RREB1: variants seen among roughly 807,000 people sequenced by gnomAD.
RREB1 encodes ras-responsive element-binding protein 1.
A neutral mutation model predicts 117.8 loss-of-function variants in RREB1; 27 were observed. The ratio of observed to expected loss-of-function variants is 0.23; its 90% confidence interval spans 0.17 to 0.32. The LOEUF (loss-of-function observed/expected upper bound fraction) is 0.32, where lower values mean the gene tolerates loss of function less well. Ranked by LOEUF, RREB1 falls within the 10% of genes least tolerant of loss-of-function variation. The pLI, the probability that RREB1 is intolerant of heterozygous loss-of-function variation, is 1.00. For synonymous variants in RREB1, 1,298 were observed against 1,026.7 expected (o/e 1.26, Z -5.05); for missense variants, 2,577 against 2,378.2 (o/e 1.08, Z -1.74).
chr6:7,170,449 G>A (rs1764154879), intron 1 of RREB1, among the ~76,000 whole-genome samples: 1 of 152,238 alleles, frequency 6.6e-6, no homozygotes, highest in Non-Finnish European at 1.5e-5. Context: ...CAGGAATCCT[G>A]GCTGAAGGGC....
At chr6:7,242,706 G>GT (rs1445507263) in intron 11 of RREB1, among the ~76,000 whole-genome samples, 1 of 151,184 alleles carries the variant, frequency 6.6e-6, no homozygotes, top group African/African-American at 2.4e-5. Context: ...AAAAAGGGGG[G>GT]GGGGGAAGGA....
chr6:7,194,554 G>A (rs1765574404), intron 6 of RREB1, among the ~76,000 whole-genome samples: 1 of 152,122 alleles, frequency 6.6e-6, no homozygotes, highest in Admixed American at 6.6e-5. Context: ...AGGCCTTGGT[G>A]CTACTTGTTT....
At chr6:7,130,687 G>C (rs1762117395) in intron 1 of RREB1, among the ~76,000 whole-genome samples, 1 of 151,506 alleles carries the variant, frequency 6.6e-6, no homozygotes, top group South Asian at 2.1e-4. Context: ...CGTGATCTTG[G>C]CTCACTGCAA....
intron 1 of RREB1, among the ~76,000 whole-genome samples, chr6:7,112,685 C>T (rs1324764628): frequency 6.6e-6 from 1 of 152,146 alleles, no homozygotes; most frequent in Non-Finnish European, 1.5e-5. Context: ...TCCCCCACTC[C>T]CATAGAAGGC....
chr6:7,157,855 G>A (rs987917556), intron 1 of RREB1, among the ~76,000 whole-genome samples: 3 of 152,000 alleles, frequency 2.0e-5, no homozygotes, highest in African/African-American at 7.3e-5. Flanking sequence ...TCCAGAAGAG[G>A]GCTCTACCAC....
chr6:7,180,860 G>A (rs1346108975), intron 2 of RREB1, among the ~76,000 whole-genome samples: 1 of 152,176 alleles, frequency 6.6e-6, no homozygotes, highest in Non-Finnish European at 1.5e-5. Context: ...GTATAAATAT[G>A]AGCTTTAGAA....
At chr6:7,241,518 T>C (rs1035606145) in intron 11 of RREB1, among the ~76,000 whole-genome samples, 4 of 152,178 alleles carry the variant, frequency 2.6e-5, no homozygotes, top group Non-Finnish European at 4.4e-5. Flanking sequence ...CTGTGTTTTT[T>C]TAGGGTTGTA....
chr6:7,138,161 C>T (rs1218691555), intron 1 of RREB1, among the ~76,000 whole-genome samples: 1 of 152,182 alleles, frequency 6.6e-6, no homozygotes, highest in African/African-American at 2.4e-5. Flanking sequence ...AAAGGACAGG[C>T]ACTTTTCCAG....
In RREB1 at chr6:7,133,720, A is replaced by G. The variant is rs187083970; in HGVS notation, c.-285+25660A>G. On this transcript the variant is annotated intron_variant, in intron 1 of 12. Transcript: ENST00000379938. ...TAATTATTTCACTGCACCTATGCCC[A>G]TAATAGAAGAATTATAAATGAACCC... 2.1e-3 allele frequency among the ~76,000 whole-genome samples: 321 copies of G among 152,358 alleles called. 2 individuals are homozygous for G. Among genetic ancestry groups the G allele is most frequent in the African/African-American group, 7.2e-3 (301 of 41,584 alleles).
intron 1 of RREB1, among the ~76,000 whole-genome samples, chr6:7,134,332 G>A (rs2113363974): frequency 6.6e-6 from 1 of 152,328 alleles, no homozygotes; most frequent in Non-Finnish European, 1.5e-5. Flanking sequence ...TAGAGGGTTG[G>A]CCTCTCTTGA....
intron 6 of RREB1, among the ~76,000 whole-genome samples, chr6:7,200,896 G>A (rs1290259295): frequency 6.6e-6 from 1 of 152,160 alleles, no homozygotes; most frequent in East Asian, 1.9e-4. Flanking sequence ...TTTTGGAAAG[G>A]AAATGCAAAA....
chr6:7,180,039 G>T (rs975605131), intron 2 of RREB1, among the ~76,000 whole-genome samples: 1 of 152,030 alleles, frequency 6.6e-6, no homozygotes, highest in East Asian at 1.9e-4. Flanking sequence ...TTTTTGGGGG[G>T]TGGGGGCTGT....
intron 1 of RREB1, among the ~76,000 whole-genome samples, chr6:7,133,969 A>G (rs72816916): frequency 0.028 from 4,293 of 152,252 alleles, 85 homozygotes; most frequent in Non-Finnish European, 0.042. Flanking sequence ...TGATATGACA[A>G]GTCTTTTTTG....
rs564941553 is a variant in RREB1, at chr6:7,248,896, G to A, written c.5157G>A (p.Pro1719=). 5.4e-5 allele frequency: 85 copies of A among 1,568,186 alleles called. No individual in the cohort carries two copies. The highest frequency in any genetic ancestry group is 4.5e-4 in the South Asian group (39 of 85,956). ...PAALGQDLLE[P]RSKRPAHPIL... ...CCCTGGGGCAGGACCTGCTGGAGCC[G>A]CGCAGCAAGAGGCCTGCCCACCCAA... Residue 1719 remains proline, a synonymous_variant, in exon 13 of 13, where the codon CCG becomes CCA. Transcript: ENST00000379938.
chr6:7,206,749 C>T (rs983088218), intron 6 of RREB1, among the ~76,000 whole-genome samples: 9 of 152,154 alleles, frequency 5.9e-5, no homozygotes, highest in African/African-American at 2.2e-4. Flanking sequence ...AGGTGAGGCG[C>T]GTGGCACGAA....
Position 7,248,813 on chromosome 6 carries a change from A to G in RREB1, c.5074A>G (p.Thr1692Ala). 6.2e-7 allele frequency: 1 copy of G among 1,613,468 alleles called. No homozygotes were observed. The highest frequency in any genetic ancestry group is 8.5e-7 in the Non-Finnish European group (1 of 1,179,628). Residue 1692 changes from threonine to alanine, a missense_variant, in exon 13 of 13, where the codon ACG (threonine) becomes GCG (alanine). Transcript: ENST00000379938. Reference protein sequence around the residue: ...KDCSHREEKVTAGWPSEPGQG... With the variant: ...KDCSHREEKVAAGWPSEPGQG... ...CTGCAGCCACAGGGAGGAGAAGGTCACGGCAGGGTGGCCGTCTGAGCCTGG... is the reference window on the plus strand; with the variant it reads ...CTGCAGCCACAGGGAGGAGAAGGTCGCGGCAGGGTGGCCGTCTGAGCCTGG...
chr6:7,224,642 C>T (rs1045602590), intron 8 of RREB1, among the ~76,000 whole-genome samples: 1 of 152,154 alleles, frequency 6.6e-6, no homozygotes, highest in African/African-American at 2.4e-5. Context: ...CCAGAAAGAA[C>T]CTCACCCAGA....
intron 6 of RREB1, among the ~76,000 whole-genome samples, chr6:7,202,456 G>A (rs1441697340): frequency 2.0e-5 from 3 of 152,308 alleles, no homozygotes; most frequent in East Asian, 3.9e-4. Context: ...GAGCTTAGGT[G>A]TGGGGATTGG....
intron 10 of RREB1, among the ~76,000 whole-genome samples, chr6:7,236,263 G>A (rs1293185767): frequency 2.6e-5 from 4 of 152,194 alleles, no homozygotes; most frequent in African/African-American, 9.7e-5. Context: ...GTCCCACAGT[G>A]ATGGGCTTGG....
Sources: gnomAD v4.1 joint callset for allele counts (sites outside exome capture counted in the v4.1 genomes callset) on GRCh38, gnomAD v4.1.1 for gene constraint, MANE v1.5 for transcripts, NCBI Gene and HGNC (gene_info 2026-07-23, HGNC 2026-07-21) for gene names.